The following COMMD10 variants were observed in gnomAD, a reference collection of about 807,000 sequenced individuals.
The protein encoded by COMMD10 is COMM domain-containing protein 10.
COMMD10 carries 33 observed loss-of-function variants against 28.9 expected under a neutral mutation model. The ratio of observed to expected loss-of-function variants is 1.14; its 90% CI spans 0.87 to 1.53. The LOEUF is 1.53. COMMD10 is among the 40% of genes most tolerant of loss of function. The probability of loss-of-function intolerance (pLI) is 0.00; values close to 1 mark genes in which losing one functional copy is unlikely to be tolerated. For missense variants in COMMD10, 310 were observed against 233.4 expected, an observed-to-expected ratio of 1.33 and a Z score of -2.14; for synonymous variants, 110 against 81.7, an observed-to-expected ratio of 1.35 and a Z score of -1.87.
chr5:116,236,020 T>G (rs1317346100), intron 5 of COMMD10, among the ~76,000 whole-genome samples: 2 of 152,156 alleles, frequency 1.3e-5, no homozygotes, highest in African/African-American at 4.8e-5. Flanking sequence ...ATGTTTTATT[T>G]GCGGCATTAT....
intron 5 of COMMD10, among the ~76,000 whole-genome samples, chr5:116,191,694 C>G (rs1748375961): frequency 6.6e-6 from 1 of 151,852 alleles, no homozygotes; most frequent in African/African-American, 2.4e-5. Flanking sequence ...ACTTGATGGT[C>G]CTTCCCTACC....
At chr5:116,246,396 GC>G (rs1180760898) in intron 5 of COMMD10, among the ~76,000 whole-genome samples, 1 of 151,754 alleles carries the variant, frequency 6.6e-6, no homozygotes, top group Non-Finnish European at 1.5e-5. Flanking sequence ...ATTAAAAATG[GC>G]CATACTTCCC....
chr5:116,224,016 T>G (rs1424812035), intron 5 of COMMD10, among the ~76,000 whole-genome samples: 2 of 152,198 alleles, frequency 1.3e-5, no homozygotes, highest in Admixed American at 1.3e-4. Flanking sequence ...TTTTACTGTT[T>G]GTCTCTTTTA....
At chr5:116,241,607 T>TTTATTTAC (rs1749814731) in intron 5 of COMMD10, among the ~76,000 whole-genome samples, 1 of 149,810 alleles carries the variant, frequency 6.7e-6, no homozygotes, top group Admixed American at 6.7e-5. Flanking sequence ...TATTTATTTA[T>TTTATTTAC]TTATTTATTT....
intron 5 of COMMD10, among the ~76,000 whole-genome samples, chr5:116,135,749 G>A (rs900460670): frequency 1.1e-4 from 16 of 152,034 alleles, no homozygotes; most frequent in African/African-American, 2.7e-4. Context: ...TGTATATATG[G>A]GAAAAAACAG....
intron 5 of COMMD10, among the ~76,000 whole-genome samples, chr5:116,242,282 A>G (rs768399694): frequency 1.6e-4 from 24 of 152,210 alleles, no homozygotes; most frequent in Admixed American, 6.5e-4. Flanking sequence ...TCTGTTGCCT[A>G]TTAGTATGAT....
At chr5:116,198,505 A>T (rs778348490) in intron 5 of COMMD10, among the ~76,000 whole-genome samples, 1 of 152,174 alleles carries the variant, frequency 6.6e-6, no homozygotes, top group Non-Finnish European at 1.5e-5. Flanking sequence ...TGTTTGTCAC[A>T]ATAGATGAAC....
intron 5 of COMMD10, among the ~76,000 whole-genome samples, chr5:116,208,596 C>T (rs1010658603): frequency 6.6e-6 from 1 of 152,160 alleles, no homozygotes; most frequent in African/African-American, 2.4e-5. Context: ...GTGACACTTG[C>T]ACCTTTAGTA....
intron 5 of COMMD10, among the ~76,000 whole-genome samples, chr5:116,259,575 A>G (rs1301217825): frequency 5.3e-5 from 8 of 151,504 alleles, no homozygotes; most frequent in Non-Finnish European, 1.0e-4. Flanking sequence ...TTGAGAGCCT[A>G]GGCTGAACAG....
Position 116,091,048 on chromosome 5 carries a change from C to T in COMMD10, c.133-31C>T, listed in dbSNP as rs777877124. ...TGAATTTTGAATGCCTGAATATGTG[C>T]TAATATAATAGATTGCTATTTGTAT... On this transcript the variant is annotated intron_variant, in intron 2 of 6. Coordinates refer to ENST00000274458, the MANE Select transcript of COMMD10 (RefSeq NM_016144.4). 5.3e-6 allele frequency: 7 copies of T among 1,325,328 alleles called. No individual in the cohort carries two copies. In the Admixed American group the frequency reaches 9.5e-5, roughly 18 times the overall value. The allele number at this position is 1,325,328 out of a possible 1,614,324, so 82.1% of individuals were successfully genotyped here. A position where few individuals can be genotyped will look rare whatever the true frequency, so the allele number is the denominator to read the frequency against.
chr5:116,222,463 T>A (rs1250788347), intron 5 of COMMD10, among the ~76,000 whole-genome samples: 1 of 152,318 alleles, frequency 6.6e-6, no homozygotes, highest in East Asian at 1.9e-4. Context: ...TTAAATTGAC[T>A]CATTGACTCA....
At chr5:116,288,450 C>G (rs1005558310) in intron 5 of COMMD10, among the ~76,000 whole-genome samples, 1 of 151,750 alleles carries the variant, frequency 6.6e-6, no homozygotes, top group South Asian at 2.1e-4. Flanking sequence ...CGTTGGAGTT[C>G]TTTGAATTTC....
At chr5:116,161,270 T>A (rs1303611097) in intron 5 of COMMD10, among the ~76,000 whole-genome samples, 1 of 152,196 alleles carries the variant, frequency 6.6e-6, no homozygotes, top group Admixed American at 6.6e-5. Flanking sequence ...AATGGGGATG[T>A]GAATGCTTAT....
intron 6 of COMMD10, among the ~76,000 whole-genome samples, chr5:116,292,213 T>G (rs1379107719): frequency 1.3e-5 from 2 of 152,108 alleles, no homozygotes; most frequent in Non-Finnish European, 2.9e-5. Flanking sequence ...AACAACAGTA[T>G]TAAGAAATCT....
intron 5 of COMMD10, among the ~76,000 whole-genome samples, chr5:116,271,964 T>A (rs766725508): frequency 6.6e-6 from 1 of 151,894 alleles, no homozygotes; most frequent in South Asian, 2.1e-4. Context: ...AAATTACTTA[T>A]AACCACTTTG....
At chr5:116,241,779 A>AT (rs1749821461) in intron 5 of COMMD10, among the ~76,000 whole-genome samples, 1 of 151,670 alleles carries the variant, frequency 6.6e-6, no homozygotes, top group South Asian at 2.1e-4. Context: ...CGCCCAGCTA[A>AT]TTTTTTGTAT....
intron 5 of COMMD10, among the ~76,000 whole-genome samples, chr5:116,284,498 A>C (rs1561408633): frequency 6.6e-6 from 1 of 151,926 alleles, no homozygotes; most frequent in South Asian, 2.1e-4. Context: ...TCAGTATGAC[A>C]TAATATGCTA....
chr5:116,127,229 C>T (rs1259463733), intron 4 of COMMD10, among the ~76,000 whole-genome samples: 2 of 152,186 alleles, frequency 1.3e-5, no homozygotes, highest in East Asian at 3.8e-4. Flanking sequence ...CAATGAGATA[C>T]CACCTCACAC....
At chr5:116,265,683 A>G (rs182579147) in intron 5 of COMMD10, among the ~76,000 whole-genome samples, 31 of 151,962 alleles carry the variant, frequency 2.0e-4, no homozygotes, top group Non-Finnish European at 3.5e-4. Flanking sequence ...GATTGCAAAC[A>G]CTTGCAATAA....
Sources: allele counts gnomAD v4.1 joint callset (sites outside exome capture counted in the v4.1 genomes callset), GRCh38; gene constraint gnomAD v4.1.1; transcripts MANE v1.5; gene names NCBI Gene and HGNC (gene_info 2026-07-23, HGNC 2026-07-21).